ARHGEF3: variants seen among roughly 807,000 people sequenced by gnomAD.
ARHGEF3 encodes 59.8 kDA protein.
ARHGEF3 carries 28 observed loss-of-function variants against 63.2 expected under a neutral mutation model. That is an observed-to-expected ratio of 0.44 (90% CI 0.33 to 0.61). ARHGEF3 has a LOEUF of 0.61. Ranked by LOEUF, ARHGEF3 falls within the 20% of genes least tolerant of loss-of-function variation. The pLI, the probability that ARHGEF3 is intolerant of heterozygous loss-of-function variation, is 0.03. For synonymous variants in ARHGEF3, 266 were observed against 254.2 expected, an observed-to-expected ratio of 1.05 and a Z score of -0.44; for missense variants, 533 against 659.3, an observed-to-expected ratio of 0.81 and a Z score of 2.10.
At chr3:56,975,874 G>A in intron 2 of ARHGEF3, 2 of 322,226 alleles carry the variant, frequency 6.2e-6, no homozygotes, top group Non-Finnish European at 1.2e-5. Context: ...TTATTCACTG[G>A]TTTTTCTACA....
At chr3:57,068,055 C>T (rs1385306428) in intron 1 of ARHGEF3, among the ~76,000 whole-genome samples, 1 of 152,062 alleles carries the variant, frequency 6.6e-6, no homozygotes, top group Non-Finnish European at 1.5e-5. Context: ...CACCTGTAGT[C>T]CCAGTTACTC....
At chr3:57,020,589 A>T (rs1703217168) in intron 2 of ARHGEF3, among the ~76,000 whole-genome samples, 2 of 152,248 alleles carry the variant, frequency 1.3e-5, no homozygotes, top group African/African-American at 4.8e-5. Flanking sequence ...AACAAGTGGG[A>T]ATAAGCTTTC....
chr3:56,855,631 C>T (rs921215214), intron 4 of ARHGEF3, among the ~76,000 whole-genome samples: 2 of 150,614 alleles, frequency 1.3e-5, no homozygotes, highest in African/African-American at 2.5e-5. Flanking sequence ...TGCAATGAGC[C>T]GAGATTACGC....
chr3:56,927,538 T>C (rs917797030), intron 3 of ARHGEF3, among the ~76,000 whole-genome samples: 2 of 152,204 alleles, frequency 1.3e-5, no homozygotes, highest in Non-Finnish European at 2.9e-5. Context: ...GATTTTATTA[T>C]GATCTGCTTT....
At chr3:56,907,394 G>C (rs185769781) in intron 3 of ARHGEF3, among the ~76,000 whole-genome samples, 208 of 152,308 alleles carry the variant, frequency 1.4e-3, no homozygotes, top group Non-Finnish European at 2.1e-3. Flanking sequence ...CTTATACACT[G>C]TTGGTGGGAG....
At chr3:56,741,715 A>G (rs188373334) in intron 7 of ARHGEF3, among the ~76,000 whole-genome samples, 69 of 149,692 alleles carry the variant, frequency 4.6e-4, no homozygotes, top group Non-Finnish European at 7.8e-4. Flanking sequence ...GTGTTAGCCA[A>G]GATGGTCTCG....
chr3:57,011,693 A>G (rs2107105096), intron 2 of ARHGEF3, among the ~76,000 whole-genome samples: 1 of 152,304 alleles, frequency 6.6e-6, no homozygotes, highest in East Asian at 1.9e-4. Flanking sequence ...AAGGTGTCCT[A>G]ATACTATCAC....
rs575567241 is a variant in ARHGEF3, at chr3:57,013,913, G to A, written c.62+21175C>T. On this transcript the variant is annotated intron_variant, in intron 2 of 12. Transcript: ENST00000338458. ...AAGGGAATAAAAGCAGGCTGCCGGAGCCAGCAGCGGCAACTCTTTGGGTCA... is the reference window on the plus strand; with the variant it reads ...AAGGGAATAAAAGCAGGCTGCCGGAACCAGCAGCGGCAACTCTTTGGGTCA... Among the ~76,000 whole-genome samples, 229 of 152,354 alleles carry A rather than the reference G, an allele frequency of 1.5e-3. 2 individuals are homozygous for A. Among genetic ancestry groups the A allele is most frequent in the Non-Finnish European group, 2.2e-3 (151 of 68,036 alleles).
intron 2 of ARHGEF3, among the ~76,000 whole-genome samples, chr3:57,020,568 A>C (rs749041415): frequency 1.8e-4 from 28 of 152,208 alleles, no homozygotes; most frequent in Non-Finnish European, 1.8e-4. Flanking sequence ...TCACTCGGGA[A>C]GCTCTGCTGG....
intron 4 of ARHGEF3, among the ~76,000 whole-genome samples, chr3:56,848,039 C>A (rs1015703831): frequency 2.6e-5 from 4 of 152,088 alleles, no homozygotes; most frequent in African/African-American, 9.7e-5. Context: ...GCACCATGGA[C>A]TCGGGAAATG....
chr3:56,985,664 C>T (rs1461585164), intron 2 of ARHGEF3, among the ~76,000 whole-genome samples: 3 of 152,288 alleles, frequency 2.0e-5, no homozygotes, highest in African/African-American at 7.2e-5. Flanking sequence ...CAGCAGTGCA[C>T]GGGTCCCTGG....
In ARHGEF3 at chr3:56,729,187, C is replaced by T. The variant is rs1441963031; in HGVS notation, c.*83G>A. On this transcript the variant is annotated 3_prime_UTR_variant, in exon 10 of 10. Transcript: ENST00000296315. ...ACTTTCACAAAAGTATGAAAAAGTG[C>T]TTCTCCAAACCGTTCCATCTGTGGA... 4 of 1,258,006 alleles carry T rather than the reference C, an allele frequency of 3.2e-6. No homozygotes were observed. In the East Asian group the frequency reaches 7.2e-5, roughly 23 times the overall value. The allele number at this position is 1,258,006 out of a possible 1,614,324, so 77.9% of individuals were successfully genotyped here. A position where few individuals can be genotyped will look rare whatever the true frequency, so the allele number is the denominator to read the frequency against.
chr3:56,879,294 A>G (rs1183128972), intron 4 of ARHGEF3, among the ~76,000 whole-genome samples: 2 of 152,212 alleles, frequency 1.3e-5, no homozygotes, highest in Non-Finnish European at 2.9e-5. Flanking sequence ...CCACTGCTAT[A>G]GGGCACTTAC....
chr3:56,890,578 G>A (rs1266976536), intron 3 of ARHGEF3, among the ~76,000 whole-genome samples: 2 of 152,166 alleles, frequency 1.3e-5, no homozygotes, highest in African/African-American at 2.4e-5. Flanking sequence ...GCAGAATGAT[G>A]GGCAGGAGAC....
intron 2 of ARHGEF3, among the ~76,000 whole-genome samples, chr3:57,009,073 C>T (rs560286383): frequency 1.3e-5 from 2 of 152,338 alleles, no homozygotes; most frequent in South Asian, 2.1e-4. Context: ...TCCTGGGAAA[C>T]AGAATGCATG....
rs113846165 is a variant in ARHGEF3, at chr3:56,977,218, A to G, written c.63-18329T>C. On this transcript the variant is annotated intron_variant, in intron 2 of 12. Transcript: ENST00000338458. ...AGATTTTTCTGGCTGCCTAATCCACAAGAGCCACAAACTGGGGCGAGAAAA... is the reference window on the plus strand; with the variant it reads ...AGATTTTTCTGGCTGCCTAATCCACGAGAGCCACAAACTGGGGCGAGAAAA... The G allele has an allele frequency of 1.3e-3, 593 of 456,530 alleles. 4 individuals are homozygous for G. Among genetic ancestry groups the G allele is most frequent in the African/African-American group, 0.011 (530 of 50,180 alleles). 28.3% of individuals were successfully genotyped at this position (456,530 alleles called of 1,614,324 possible).
intron 4 of ARHGEF3, among the ~76,000 whole-genome samples, chr3:56,829,329 G>A (rs934611220): frequency 7.9e-5 from 12 of 152,232 alleles, no homozygotes; most frequent in South Asian, 2.1e-4. Flanking sequence ...CTGAGCTCCC[G>A]GTGAGTGTAC....
intron 3 of ARHGEF3, among the ~76,000 whole-genome samples, chr3:56,888,227 C>A (rs1330737013): frequency 2.0e-5 from 3 of 151,772 alleles, no homozygotes; most frequent in South Asian, 2.1e-4. Flanking sequence ...TCCACTCCTA[C>A]GAAAAGGAAT....
intron 3 of ARHGEF3, among the ~76,000 whole-genome samples, chr3:56,899,134 C>T (rs966309315): frequency 6.6e-6 from 1 of 152,204 alleles, no homozygotes; most frequent in Non-Finnish European, 1.5e-5. Context: ...AATCCACCAA[C>T]TCCTCCCCTC....
Sources: allele counts gnomAD v4.1 joint callset (sites outside exome capture counted in the v4.1 genomes callset), GRCh38; gene constraint gnomAD v4.1.1; transcripts MANE v1.5; gene names NCBI Gene and HGNC (gene_info 2026-07-23, HGNC 2026-07-21).